The following ARHGAP19 variants were observed in gnomAD, a reference collection of about 807,000 sequenced individuals.
ARHGAP19 encodes the protein rho GTPase-activating protein 19.
In ARHGAP19, 48 loss-of-function variants were observed where a neutral mutation model predicts 60.9. The ratio of observed to expected loss-of-function variants is 0.79; its 90% CI spans 0.62 to 1.00. ARHGAP19 has a LOEUF of 1.00. ARHGAP19 is among the 50% of genes least tolerant of loss of function. The pLI is 0.00. For missense variants in ARHGAP19, 562 were observed against 597.2 expected (o/e 0.94, Z 0.61); for synonymous variants, 209 against 215.5 (o/e 0.97, Z 0.27).
In ARHGAP19 at chr10:97,278,922, G is replaced by C. The variant is rs563231609; in HGVS notation, c.57-12797C>G. On this transcript the variant is annotated intron_variant, in intron 1 of 11. Coordinates refer to ENST00000358531, the MANE Select transcript of ARHGAP19 (RefSeq NM_032900.6). ...CCTGGTGAATTGCCTAACTTGATTT[G>C]TTTTCCAAGAACCACAACCTTGGCA... is the stretch of plus-strand genomic sequence containing the variant. Among the ~76,000 whole-genome samples the C allele has an allele frequency of 2.0e-5, 3 of 152,146 alleles. No individual in the cohort carries two copies. In the East Asian group the frequency reaches 5.8e-4, roughly 29 times the overall value.
chr10:97,232,980 T>C (rs147283260), intron 9 of ARHGAP19, among the ~76,000 whole-genome samples: 3 of 152,052 alleles, frequency 2.0e-5, no homozygotes, highest in African/African-American at 7.2e-5. Flanking sequence ...AAACCCCATC[T>C]CTACTAAAAA....
intron 1 of ARHGAP19, among the ~76,000 whole-genome samples, chr10:97,267,804 CGCAAAGCAGCAAGGGACTGT>C (rs977831987): frequency 1.2e-4 from 19 of 152,196 alleles, no homozygotes; most frequent in African/African-American, 2.7e-4. Context: ...CCAGGGACTG[CGCAAAGCAGCAAGGGACTGT>C]GCAAAGCAGC....
At chr10:97,251,251 G>GAGGGAAGGGGA (rs1564717904) in intron 6 of ARHGAP19, among the ~76,000 whole-genome samples, 4 of 3,100 alleles carry the variant, frequency 1.3e-3, no homozygotes, top group Non-Finnish European at 2.9e-3. Context: ...AGGGAAGGGG[G>GAGGGAAGGGGA]AGGGAAGGGG....
chr10:97,287,205 C>T (rs144513701), intron 1 of ARHGAP19, among the ~76,000 whole-genome samples: 225 of 152,264 alleles, frequency 1.5e-3, no homozygotes, highest in African/African-American at 5.3e-3. Flanking sequence ...TCTGCCTCCC[C>T]CTCCCAAAAT....
At chr10:97,236,108 T>C (rs905913040) in intron 8 of ARHGAP19, among the ~76,000 whole-genome samples, 10 of 152,254 alleles carry the variant, frequency 6.6e-5, no homozygotes, top group African/African-American at 2.2e-4. Flanking sequence ...GGCGAGTAGC[T>C]GGGATTACAG....
At chr10:97,227,054 A>G (rs1311057821) in intron 11 of ARHGAP19, among the ~76,000 whole-genome samples, 1 of 152,246 alleles carries the variant, frequency 6.6e-6, no homozygotes, top group African/African-American at 2.4e-5. Flanking sequence ...GCTGCTCATC[A>G]TACAGTGCAC....
chr10:97,247,338 A>C (rs191151123), intron 6 of ARHGAP19, among the ~76,000 whole-genome samples: 1 of 152,188 alleles, frequency 6.6e-6, no homozygotes, highest in East Asian at 1.9e-4. Context: ...TACCATTTAG[A>C]ATTACTATGG....
At chr10:97,283,383 C>T (rs1444942094) in intron 1 of ARHGAP19, among the ~76,000 whole-genome samples, 1 of 151,396 alleles carries the variant, frequency 6.6e-6, no homozygotes, top group Non-Finnish European at 1.5e-5. Flanking sequence ...GGTGATACCC[C>T]GTCTCTACTA....
rs898189203 is a variant in ARHGAP19 at position 97,256,420 on chromosome 10, G to T, written c.841-16C>A. 6.3e-7 allele frequency: 1 copy of T among 1,578,096 alleles called. No individual in the cohort carries two copies. Among genetic ancestry groups the T allele is most frequent in the Non-Finnish European group, 8.7e-7 (1 of 1,147,640 alleles). On this transcript the variant is annotated splice_polypyrimidine_tract_variant and intron_variant, in intron 5 of 11. Coordinates refer to ENST00000358531, the MANE Select transcript of ARHGAP19 (RefSeq NM_032900.6). ...TTGCAGTGACCTATTCAGAGGAAAA[G>T]AAACCAAACAATGGACATTAAGAGC...
chr10:97,227,352 G>A (rs771002045), intron 11 of ARHGAP19, among the ~76,000 whole-genome samples: 5 of 152,188 alleles, frequency 3.3e-5, no homozygotes, highest in Non-Finnish European at 5.9e-5. Flanking sequence ...GCATTGCCAG[G>A]CTGGAAGTAG....
intron 8 of ARHGAP19, among the ~76,000 whole-genome samples, chr10:97,239,533 TGA>T (rs150845680): frequency 0.012 from 1,210 of 105,124 alleles, 81 homozygotes; most frequent in African/African-American, 0.031. Flanking sequence ...AAAAAGGGAG[TGA>T]GAGAGAGAGA....
intron 1 of ARHGAP19, among the ~76,000 whole-genome samples, chr10:97,281,613 A>T (rs1843086988): frequency 6.6e-6 from 1 of 152,202 alleles, no homozygotes; most frequent in Non-Finnish European, 1.5e-5. Context: ...ACGGTATTGT[A>T]AGGTATAGGG....
chr10:97,246,481 T>C, intron 6 of ARHGAP19, 144 bp from the exon 7 acceptor site: 1 of 627,218 alleles, frequency 1.6e-6, no homozygotes, highest in Non-Finnish European at 2.8e-6. Flanking sequence ...TCATAGCCCC[T>C]CCATAGCTTC....
intron 11 of ARHGAP19, among the ~76,000 whole-genome samples, chr10:97,228,837 A>T (rs1428486007): frequency 6.6e-6 from 1 of 152,196 alleles, no homozygotes; most frequent in East Asian, 1.9e-4. Context: ...TCACAAATTC[A>T]TTTACACTTG....
chr10:97,280,823 G>A (rs11596830), intron 1 of ARHGAP19, among the ~76,000 whole-genome samples: 6,893 of 152,038 alleles, frequency 0.045, 263 homozygotes, highest in African/African-American at 0.1. Context: ...GGCCTCAAGC[G>A]ATCCTCCCAG....
intron 9 of ARHGAP19, 50 bp downstream of exon 9, chr10:97,235,167 G>T: frequency 1.3e-6 from 2 of 1,512,564 alleles, no homozygotes; most frequent in Admixed American, 3.7e-5. Context: ...AAATCACATT[G>T]TTACATTTCC....
At position 97,243,597 on chromosome 10, in the gene ARHGAP19, T is replaced by C. The variant is rs185046047; in HGVS notation, c.1185+371A>G. 2.8e-3 allele frequency among the ~76,000 whole-genome samples: 423 copies of C among 152,352 alleles called. 2 individuals carry two copies. Among genetic ancestry groups the C allele is most frequent in the African/African-American group, 8.9e-3 (372 of 41,588 alleles). ...TCTAATTTTTACAACTTTGAAACATTGCTGTTACTATTACCATTTTACAAA... is the reference window on the plus strand; with the variant it reads ...TCTAATTTTTACAACTTTGAAACATCGCTGTTACTATTACCATTTTACAAA... On this transcript the variant is annotated intron_variant, in intron 8 of 11. Coordinates refer to ENST00000358531, the MANE Select transcript of ARHGAP19 (RefSeq NM_032900.6).
At chr10:97,239,922 G>A (rs940522839) in intron 8 of ARHGAP19, among the ~76,000 whole-genome samples, 11 of 151,696 alleles carry the variant, frequency 7.3e-5, no homozygotes, top group Admixed American at 2.0e-4. Flanking sequence ...GGTCAGGCTC[G>A]TCTCGAACTC....
intron 6 of ARHGAP19, among the ~76,000 whole-genome samples, chr10:97,250,366 A>G (rs1216920384): frequency 6.7e-6 from 1 of 148,270 alleles, no homozygotes; most frequent in Admixed American, 7.0e-5. Context: ...CAAAAACATG[A>G]TATGTATAGT....
Sources: allele counts gnomAD v4.1 joint callset (sites outside exome capture counted in the v4.1 genomes callset), GRCh38; gene constraint gnomAD v4.1.1; transcripts MANE v1.5; gene names NCBI Gene and HGNC (gene_info 2026-07-23, HGNC 2026-07-21).